Variants in SYNE2 observed in about 807,000 individuals in gnomAD.
SYNE2 encodes the protein spectrin repeat containing nuclear envelope protein 2.
SYNE2 carries 431 observed loss-of-function variants against 856.3 expected under a neutral mutation model. That is an observed-to-expected ratio of 0.50 (90% CI 0.47 to 0.55). The LOEUF (loss-of-function observed/expected upper bound fraction) is 0.55. Ranked by LOEUF, SYNE2 falls within the 20% of genes least tolerant of loss-of-function variation. SYNE2 has a pLI of 0.00. For missense variants in SYNE2, 8,129 were observed against 8,023.2 expected, an observed-to-expected ratio of 1.01 and a Z score of -0.50; for synonymous variants, 2,923 against 2,872.3, an observed-to-expected ratio of 1.02 and a Z score of -0.56.
In SYNE2 at chr14:63,940,648, G is replaced by T. The variant is rs369020126; in HGVS notation, c.114G>T (p.Thr38=). The T allele has an allele frequency of 3.4e-5, 55 of 1,614,118 alleles. No individual in the cohort carries two copies. In the African/African-American group the frequency reaches 6.5e-4, roughly 19 times the overall value. ...AAGACACCCAGAAGAAAGCCTTCAC[G>T]TGCTGGATAAACTCACAGTTGGCCA... ...EQEDTQKKAF[T]CWINSQLARH... is the part of the protein sequence containing the mutation. The change falls in exon 3 of 116, where the codon ACG becomes ACT. Residue 38 remains threonine, a synonymous_variant. Transcript: ENST00000555002.
At chr14:64,022,956 T>A in intron 38 of SYNE2, 93 bp downstream of exon 38, 1 of 757,164 alleles carries the variant, frequency 1.3e-6, no homozygotes, top group Non-Finnish European at 2.3e-6. Context: ...AGGCTGGGCA[T>A]GGTAACTCAC....
chr14:64,092,304 G>C (rs898852387), intron 60 of SYNE2, among the ~76,000 whole-genome samples: 2 of 149,426 alleles, frequency 1.3e-5, no homozygotes, highest in Non-Finnish European at 2.9e-5. Context: ...CCATCTCATT[G>C]TGCTGGTGGC....
chr14:63,788,306 G>GGCAGCT (rs1887612986), intron 1 of SYNE2, among the ~76,000 whole-genome samples: 1 of 152,244 alleles, frequency 6.6e-6, no homozygotes, highest in South Asian at 2.1e-4. Flanking sequence ...CACCTGGGAG[G>GGCAGCT]GCAGCTGCAG....
At chr14:63,906,558 A>T (rs2153345643) in intron 1 of SYNE2, among the ~76,000 whole-genome samples, 1 of 152,274 alleles carries the variant, frequency 6.6e-6, no homozygotes, top group Middle Eastern at 3.4e-3. Flanking sequence ...TGTTTCCAGG[A>T]ATTTATCCAT....
intron 34 of SYNE2, among the ~76,000 whole-genome samples, chr14:64,018,586 T>A (rs2096912895): frequency 6.6e-6 from 1 of 152,192 alleles, no homozygotes; most frequent in Non-Finnish European, 1.5e-5. Flanking sequence ...ATTTTAGCCT[T>A]GTGGATCATT....
At chr14:64,172,181 C>G (rs1207171689) in intron 94 of SYNE2, among the ~76,000 whole-genome samples, 2 of 152,254 alleles carry the variant, frequency 1.3e-5, no homozygotes, top group East Asian at 3.9e-4. Context: ...TCTGGCTGTT[C>G]CTGATTGTAG....
chr14:64,203,355 G>C (rs901208258), intron 100 of SYNE2, among the ~76,000 whole-genome samples: 2 of 152,248 alleles, frequency 1.3e-5, no homozygotes, highest in African/African-American at 4.8e-5. Context: ...TGTGTGTCTG[G>C]TACAGCTTTT....
chr14:64,006,214 G>A (rs1171804281), intron 30 of SYNE2, among the ~76,000 whole-genome samples: 2 of 152,208 alleles, frequency 1.3e-5, no homozygotes, highest in Admixed American at 6.5e-5. Flanking sequence ...AATCCTTCCA[G>A]TATTACTTTA....
At chr14:64,221,779 C>G (rs908784657) in intron 112 of SYNE2, 75 bp downstream of exon 112, 2 of 1,552,526 alleles carry the variant, frequency 1.3e-6, no homozygotes, top group East Asian at 4.5e-5. Context: ...CTCAGGTAGC[C>G]TCGCCTAGTA....
At chr14:63,932,127 A>AAAACCTGTAAT (rs1428325147) in intron 2 of SYNE2, among the ~76,000 whole-genome samples, 2 of 152,226 alleles carry the variant, frequency 1.3e-5, no homozygotes, top group Non-Finnish European at 2.9e-5. Flanking sequence ...CTGTAATCCC[A>AAAACCTGTAAT]GCACTTGGGA....
chr14:63,924,940 G>A (rs1156608270), intron 2 of SYNE2, among the ~76,000 whole-genome samples: 3 of 144,280 alleles, frequency 2.1e-5, no homozygotes, highest in African/African-American at 7.7e-5. Flanking sequence ...TAGAGAGAAA[G>A]CATTTAGTTT....
intron 66 of SYNE2, 96 bp from the exon 67 acceptor site, chr14:64,119,331 T>G: frequency 6.7e-7 from 1 of 1,488,610 alleles, no homozygotes; most frequent in Non-Finnish European, 9.3e-7. Context: ...ACTTCTTGTA[T>G]ACACTTAAGT....
At chr14:64,223,467 A>G in intron 113 of SYNE2, 87 bp downstream of exon 113, 2 of 1,518,006 alleles carry the variant, frequency 1.3e-6, no homozygotes, top group Non-Finnish European at 1.8e-6. Flanking sequence ...TCTAAGACAG[A>G]GGCCAGAAGC....
In SYNE2 at chr14:64,218,969, G is replaced by A. The variant is rs889253123; in HGVS notation, c.19658-239G>A. Among the ~76,000 whole-genome samples, 28 of 152,246 alleles carry A rather than the reference G, an allele frequency of 1.8e-4. No homozygotes were observed. The Middle Eastern group carries it at 0.02, about 111-fold the overall frequency. ...CTGAACTGTTGAGCTTGAAACTGTAGCACATAGACCTTCCACTTCATTCCA... is the reference window on the plus strand; with the variant it reads ...CTGAACTGTTGAGCTTGAAACTGTAACACATAGACCTTCCACTTCATTCCA... On this transcript the variant is annotated intron_variant, in intron 109 of 115. Coordinates refer to ENST00000555002, the MANE Select transcript of SYNE2 (RefSeq NM_182914.3).
chr14:64,107,461 T>C (rs1368282583), intron 64 of SYNE2, 30 bp from the exon 65 acceptor site: 8 of 1,589,962 alleles, frequency 5.0e-6, no homozygotes, highest in Admixed American at 3.3e-5. Flanking sequence ...GGCAGGACCC[T>C]TTCTGGAGCT....
intron 108 of SYNE2, 78 bp from the exon 109 acceptor site, chr14:64,218,320 T>C: frequency 1.5e-6 from 2 of 1,302,084 alleles, no homozygotes; most frequent in Non-Finnish European, 2.2e-6. Context: ...TCTTCACTGT[T>C]AATATGAAAT....
chr14:64,091,358 G>A lies in SYNE2; in HGVS notation c.11976+310G>A, dbSNP rs796392402. On this transcript the variant is annotated intron_variant, in intron 60 of 115. Transcript: ENST00000555002. ...TGCAGCCTCTGAGGCCAACAGATCT[G>A]TAAAGTAATCATCACCATAGTAATC... is the stretch of plus-strand genomic sequence containing the variant. 1.4e-4 allele frequency among the ~76,000 whole-genome samples: 21 copies of A among 152,346 alleles called. 1 individual carries two copies. The highest frequency in any genetic ancestry group is 3.8e-4 in the African/African-American group (16 of 41,582).
chr14:63,784,183 G>GT, intron 1 of SYNE2, among the ~76,000 whole-genome samples: 1 of 152,206 alleles, frequency 6.6e-6, no homozygotes, highest in East Asian at 1.9e-4. Flanking sequence ...ATTCTTGCAA[G>GT]TTTTTTTGGT....
chr14:64,138,054 A>G lies in SYNE2; in HGVS notation c.14843+71A>G, dbSNP rs978752648. The G allele has an allele frequency of 4.6e-6, 7 of 1,532,554 alleles. No individual in the cohort carries two copies. The Middle Eastern group carries it at 1.4e-3, about 296-fold the overall frequency. The allele number at this position is 1,532,554 out of a possible 1,614,324, so 94.9% of individuals were successfully genotyped here. On this transcript the variant is annotated intron_variant, in intron 79 of 115. Coordinates refer to ENST00000555002, the MANE Select transcript of SYNE2 (RefSeq NM_182914.3). ...AAAGACCTCGGGGATTCTGTAGTCAACTAAATTTTACCTGCAACCCACCTT... is the reference window on the plus strand; with the variant it reads ...AAAGACCTCGGGGATTCTGTAGTCAGCTAAATTTTACCTGCAACCCACCTT...
Sources: allele counts gnomAD v4.1 joint callset (sites outside exome capture counted in the v4.1 genomes callset), GRCh38; gene constraint gnomAD v4.1.1; transcripts MANE v1.5; gene names NCBI Gene and HGNC (gene_info 2026-07-23, HGNC 2026-07-21).